Variants in PALM2AKAP2 observed in about 807,000 individuals in gnomAD.
The protein encoded by PALM2AKAP2 is PALM2-AKAP2 fusion protein.
Under a neutral mutation model 71.5 loss-of-function variants are expected in PALM2AKAP2, and 37 were observed. That is an observed-to-expected ratio of 0.52 (90% CI 0.40 to 0.68). PALM2AKAP2 has a LOEUF of 0.68. PALM2AKAP2 is among the 30% of genes least tolerant of loss of function. The pLI, the probability that PALM2AKAP2 is intolerant of heterozygous loss-of-function variation, is 0.00. For synonymous variants in PALM2AKAP2, 468 were observed against 478.8 expected (o/e 0.98, Z 0.29); for missense variants, 1,224 against 1,191.8 (o/e 1.03, Z -0.40).
intron 1 of PALM2AKAP2, among the ~76,000 whole-genome samples, chr9:110,084,125 A>T (rs191241400): frequency 6.6e-6 from 1 of 152,326 alleles, no homozygotes; most frequent in East Asian, 1.9e-4. Context: ...AGATTTAGAG[A>T]TATGATGGAA....
chr9:110,137,661 T>C (rs893803707), exon 2 of PALM2AKAP2: 2 of 1,613,956 alleles, frequency 1.2e-6, no homozygotes, highest in Non-Finnish European at 8.5e-7. Context: ...GACTCTGGTC[T>C]GGACGAATTG....
chr9:110,005,086 G>C (rs1036771468), intron 6 of PALM2AKAP2, among the ~76,000 whole-genome samples: 18 of 152,182 alleles, frequency 1.2e-4, no homozygotes, highest in African/African-American at 4.3e-4. Flanking sequence ...CATTCCTTTG[G>C]GGGAGGAGAG....
At chr9:109,837,625 A>G (rs771506231) in intron 1 of PALM2AKAP2, among the ~76,000 whole-genome samples, 2 of 152,210 alleles carry the variant, frequency 1.3e-5, no homozygotes, top group Non-Finnish European at 2.9e-5. Context: ...TGCTGTATTC[A>G]GGAGACCCAT....
intron 1 of PALM2AKAP2, among the ~76,000 whole-genome samples, chr9:110,073,258 T>C (rs1331617625): frequency 6.6e-6 from 1 of 152,176 alleles, no homozygotes; most frequent in East Asian, 1.9e-4. Context: ...TCTTGTGTTT[T>C]CAGACAAACA....
At chr9:109,691,174 T>TACACACACACACACACACACACACAC (rs56966509) in intron 1 of PALM2AKAP2, among the ~76,000 whole-genome samples, 23 of 147,564 alleles carry the variant, frequency 1.6e-4, no homozygotes, top group African/African-American at 5.5e-4. Context: ...CTTTGAATTT[T>TACACACACACACACACACACACACAC]ACACACACAC....
At chr9:109,987,619 G>T (rs1402681849) in intron 6 of PALM2AKAP2, among the ~76,000 whole-genome samples, 2 of 152,100 alleles carry the variant, frequency 1.3e-5, no homozygotes, top group Non-Finnish European at 2.9e-5. Context: ...TTATATCTCA[G>T]TTGGCTTGAA....
chr9:109,784,868 A>G (rs927197136), intron 1 of PALM2AKAP2, among the ~76,000 whole-genome samples: 4 of 152,270 alleles, frequency 2.6e-5, no homozygotes, highest in South Asian at 2.1e-4. Flanking sequence ...TTCCATTGCA[A>G]TGGGAAAGCT....
At chr9:109,713,290 C>T (rs1368483311) in intron 1 of PALM2AKAP2, among the ~76,000 whole-genome samples, 3 of 152,150 alleles carry the variant, frequency 2.0e-5, no homozygotes, top group Non-Finnish European at 2.9e-5. Context: ...CTTCATGCTG[C>T]AGATCAAAGG....
chr9:109,819,252 T>G (rs905058730), intron 1 of PALM2AKAP2, among the ~76,000 whole-genome samples: 1 of 152,202 alleles, frequency 6.6e-6, no homozygotes, highest in African/African-American at 2.4e-5. Flanking sequence ...ATAACTAAAT[T>G]TATTCAAGAC....
chr9:109,644,607 A>G (rs867377571), intron 1 of PALM2AKAP2, among the ~76,000 whole-genome samples: 4 of 152,132 alleles, frequency 2.6e-5, no homozygotes, highest in Admixed American at 6.5e-5. Context: ...TCACATTGTC[A>G]GGCTGCAAAT....
At chr9:110,107,924 C>T (rs1003418311) in intron 1 of PALM2AKAP2, among the ~76,000 whole-genome samples, 1 of 152,128 alleles carries the variant, frequency 6.6e-6, no homozygotes, top group African/African-American at 2.4e-5. Flanking sequence ...AATGTAAGCA[C>T]AGTGCACATG....
chr9:110,105,211 T>C lies in PALM2AKAP2; in HGVS notation c.157-30916T>C, dbSNP rs60473194. 2.7e-3 allele frequency among the ~76,000 whole-genome samples: 418 copies of C among 152,350 alleles called. 5 individuals are homozygous for C. The highest frequency in any genetic ancestry group is 9.8e-3 in the African/African-American group (409 of 41,580). On this transcript the variant is annotated intron_variant, in intron 1 of 3. Transcript: ENST00000374525. ...GCTCAAACGCATATGTTCTCTGTCT[T>C]CTTTTTAGACTGGCTTGCAAGAAAG...
chr9:110,083,792 G>C (rs1327122682), intron 1 of PALM2AKAP2, among the ~76,000 whole-genome samples: 2 of 152,230 alleles, frequency 1.3e-5, no homozygotes, highest in African/African-American at 4.8e-5. Flanking sequence ...TAGCATGGAA[G>C]AGCATGATTT....
At chr9:110,069,891 C>T (rs901585157) in intron 1 of PALM2AKAP2, among the ~76,000 whole-genome samples, 5 of 152,174 alleles carry the variant, frequency 3.3e-5, no homozygotes, top group Admixed American at 6.5e-5. Context: ...ATTTTTACTT[C>T]GGTTAAATCA....
At chr9:110,041,229 T>G (rs1365711731) in intron 7 of PALM2AKAP2, among the ~76,000 whole-genome samples, 1 of 151,770 alleles carries the variant, frequency 6.6e-6, no homozygotes, top group Non-Finnish European at 1.5e-5. Context: ...ATACCCACTT[T>G]TCACTCTTTC....
intron 6 of PALM2AKAP2, among the ~76,000 whole-genome samples, chr9:109,953,301 G>A (rs746132252): frequency 6.6e-6 from 1 of 152,226 alleles, no homozygotes. Flanking sequence ...GTACTACCAA[G>A]TAGACCTAGA....
At chr9:109,989,346 A>C (rs1832435548) in intron 6 of PALM2AKAP2, among the ~76,000 whole-genome samples, 1 of 152,140 alleles carries the variant, frequency 6.6e-6, no homozygotes. Context: ...CTTGTCACAA[A>C]TGTGCTCCAA....
chr9:109,665,615 G>T (rs920418779), intron 1 of PALM2AKAP2, among the ~76,000 whole-genome samples: 2 of 152,230 alleles, frequency 1.3e-5, no homozygotes, highest in Non-Finnish European at 2.9e-5. Flanking sequence ...CCCCTACTGG[G>T]AGGTGTCTCC....
chr9:109,977,397 G>A (rs1832190674), intron 6 of PALM2AKAP2, among the ~76,000 whole-genome samples: 1 of 152,078 alleles, frequency 6.6e-6, no homozygotes, highest in Non-Finnish European at 1.5e-5. Context: ...TGTTCATGTG[G>A]GCTTTAATGA....
Sources: allele counts gnomAD v4.1 joint callset (sites outside exome capture counted in the v4.1 genomes callset), GRCh38; gene constraint gnomAD v4.1.1; transcripts MANE v1.5; gene names NCBI Gene and HGNC (gene_info 2026-07-23, HGNC 2026-07-21).